Variants in DNAAF5 observed in about 807,000 individuals in gnomAD.
The protein encoded by DNAAF5 is dynein axonemal assembly factor 5.
Under a neutral mutation model 75.8 loss-of-function variants are expected in DNAAF5, and 64 were observed. The ratio of observed to expected loss-of-function variants is 0.84; its 90% confidence interval spans 0.69 to 1.04. The LOEUF (loss-of-function observed/expected upper bound fraction) is 1.04, where lower values mean the gene tolerates loss of function less well. DNAAF5 is among the 50% of genes least tolerant of loss of function. The pLI, the probability that DNAAF5 is intolerant of heterozygous loss-of-function variation, is 0.00. For missense variants in DNAAF5, 1,269 were observed against 1,178.5 expected (o/e 1.08, Z -1.12); for synonymous variants, 657 against 557.2 (o/e 1.18, Z -2.52).
rs566898690 is a variant in DNAAF5, at chr7:741,079, A to G, written c.905+136A>G. On this transcript the variant is annotated intron_variant, in intron 3 of 12. Transcript: ENST00000297440. ...CCTGTGCTCCGAAGGGATGTGCCGT[A>G]CAGAAGTCGTCTCGTTTTGTAAATG... 59 of 1,078,452 alleles carry G rather than the reference A, an allele frequency of 5.5e-5. No homozygotes were observed. In the East Asian group the frequency reaches 1.3e-3, roughly 24 times the overall value. 66.8% of individuals were successfully genotyped at this position (1,078,452 alleles called of 1,614,324 possible). A position where few individuals can be genotyped will look rare whatever the true frequency, so the allele number is the denominator to read the frequency against.
chr7:727,077 C>T lies in DNAAF5; in HGVS notation c.357C>T (p.Pro119=). ...GCGATGCCCTGCCGCGCCTGCTGCCCGCGCTCGCCGCGCGCTTGGCCGGCC... is the reference window on the plus strand; with the variant it reads ...GCGATGCCCTGCCGCGCCTGCTGCCTGCGCTCGCCGCGCGCTTGGCCGGCC... The part of the protein sequence containing the change: ...RPRDALPRLL[P]ALAARLAGPV... The change falls in exon 1 of 13, where the codon CCC becomes CCT. Residue 119 remains proline (P), a synonymous_variant. Transcript: ENST00000297440. The T allele has an allele frequency of 9.6e-7, 1 of 1,040,314 alleles. No individual in the cohort carries two copies. Among genetic ancestry groups the T allele is most frequent in the South Asian group, 4.4e-5 (1 of 22,698 alleles). The allele number at this position is 1,040,314 out of a possible 1,614,324, so 64.4% of individuals were successfully genotyped here.
At chr7:727,458 G>A in intron 1 of DNAAF5, 143 bp downstream of exon 1, 2 of 332,824 alleles carry the variant, frequency 6.0e-6, no homozygotes, top group East Asian at 4.9e-5. Flanking sequence ...CCCCCCATGC[G>A]CCGCTTCCCC....
intron 8 of DNAAF5, among the ~76,000 whole-genome samples, chr7:767,064 C>G (rs1778325770): frequency 6.6e-6 from 1 of 151,862 alleles, no homozygotes; most frequent in Admixed American, 6.6e-5. Context: ...ATGATGAAAC[C>G]CCGTCTCTAC....
At position 785,818 on chromosome 7, in the gene DNAAF5, G is replaced by A; in HGVS notation, c.*165G>A. ...CTCTTTCCCTGGAATAACAGCCTCT[G>A]AGTGGATTCTGCATGTTATGTGATT... On this transcript the variant is annotated 3_prime_UTR_variant, in exon 13 of 13. Transcript: ENST00000297440. The A allele has an allele frequency of 1.4e-6, 1 of 699,256 alleles. No homozygotes were observed. Among genetic ancestry groups the A allele is most frequent in the Admixed American group, 3.1e-5 (1 of 32,096 alleles). The allele number at this position is 699,256 out of a possible 1,614,324, so 43.3% of individuals were successfully genotyped here. A position where few individuals can be genotyped will look rare whatever the true frequency, so the allele number is the denominator to read the frequency against.
intron 10 of DNAAF5, 55 bp from the exon 11 acceptor site, chr7:774,951 C>T (rs766781943): frequency 6.4e-7 from 1 of 1,557,984 alleles, no homozygotes; most frequent in Non-Finnish European, 8.8e-7. Flanking sequence ...GGTGAGCACC[C>T]CCACCCCACC....
At position 786,320 on chromosome 7, in the gene DNAAF5, A is replaced by G. The variant is rs1779144131; in HGVS notation, c.*667A>G. 6.6e-6 allele frequency: 1 copy of G among 152,266 alleles called. No individual in the cohort carries two copies. Among genetic ancestry groups the G allele is most frequent in the Non-Finnish European group, 1.5e-5 (1 of 68,052 alleles). 9.4% of individuals were successfully genotyped at this position (152,266 alleles called of 1,614,324 possible). ...GTAAAGTTGCATTTCCCTCTCGCAC[A>G]TTCTACACCCAAGTGCCTAAAAGAT... On this transcript the variant is annotated 3_prime_UTR_variant, in exon 13 of 13. Coordinates refer to ENST00000297440, the MANE Select transcript of DNAAF5 (RefSeq NM_017802.4).
At chr7:743,897 GTTC>G (rs1256714556) in intron 4 of DNAAF5, among the ~76,000 whole-genome samples, 2 of 149,418 alleles carry the variant, frequency 1.3e-5, no homozygotes, top group African/African-American at 4.9e-5. Flanking sequence ...ACATAAATAA[GTTC>G]TTTTTTTATT....
chr7:784,355 C>A (rs1350586887), intron 12 of DNAAF5, among the ~76,000 whole-genome samples: 8 of 152,202 alleles, frequency 5.3e-5, no homozygotes, highest in Non-Finnish European at 1.2e-4. Context: ...CCGCTACCCC[C>A]CTCCCTGACT....
intron 9 of DNAAF5, 131 bp from the exon 10 acceptor site, chr7:773,917 G>A (rs1187568221): frequency 1.0e-6 from 1 of 976,428 alleles, no homozygotes; most frequent in Non-Finnish European, 1.6e-6. Context: ...GAGGAGGAGG[G>A]GCCTCGTGTT....
Position 727,007 on chromosome 7 carries a change from C to T in DNAAF5, c.287C>T (p.Ala96Val), listed in dbSNP as rs1006238830. 2.4e-6 allele frequency: 3 copies of T among 1,239,556 alleles called. No individual in the cohort carries two copies. The highest frequency in any genetic ancestry group is 3.2e-5 in the African/African-American group (2 of 62,444). The allele number at this position is 1,239,556 out of a possible 1,614,324, so 76.8% of individuals were successfully genotyped here. The part of the protein sequence containing the change: ...SDPAEGCRAL[A>V]VHLLDLGLRR... Reference sequence around the variant, plus strand: ...CCCGCCGAGGGCTGCCGCGCGCTGGCAGTGCACCTGCTGGATCTGGGCCTG... The same window carrying T: ...CCCGCCGAGGGCTGCCGCGCGCTGGTAGTGCACCTGCTGGATCTGGGCCTG... Residue 96 changes from alanine (A) to valine (V), a missense_variant, in exon 1 of 13, where the codon GCA becomes GTA. Transcript: ENST00000297440.
intron 8 of DNAAF5, 124 bp downstream of exon 8, chr7:764,098 T>A: frequency 2.0e-6 from 2 of 1,025,456 alleles, no homozygotes; most frequent in Non-Finnish European, 1.4e-6. Flanking sequence ...AGCGTGTTGT[T>A]AAAAGTACCC....
chr7:734,227 G>A (rs570262871), intron 2 of DNAAF5, among the ~76,000 whole-genome samples: 2 of 152,324 alleles, frequency 1.3e-5, no homozygotes, highest in Admixed American at 6.5e-5. Flanking sequence ...TGTGGTACTA[G>A]CTGTGAGTCT....
intron 2 of DNAAF5, among the ~76,000 whole-genome samples, chr7:734,754 G>A (rs1188883006): frequency 2.0e-5 from 3 of 152,176 alleles, no homozygotes; most frequent in Non-Finnish European, 4.4e-5. Flanking sequence ...ATCATTACTT[G>A]TTACTGGTCT....
intron 4 of DNAAF5, among the ~76,000 whole-genome samples, chr7:745,370 A>G (rs924579169): frequency 1.3e-5 from 2 of 152,212 alleles, no homozygotes; most frequent in East Asian, 1.9e-4. Flanking sequence ...TCTGGAAGGT[A>G]CGATCTATGA....
chr7:769,087 C>T, intron 8 of DNAAF5: 7 of 723,240 alleles, frequency 9.7e-6, no homozygotes, highest in Admixed American at 1.9e-5. Flanking sequence ...GAGTACATTG[C>T]GTCTCCGTGT....
intron 3 of DNAAF5, 22 bp from the exon 4 acceptor site, chr7:741,325 T>C (rs1562378579): frequency 1.3e-6 from 2 of 1,564,064 alleles, no homozygotes; most frequent in Admixed American, 3.6e-5. Context: ...TGAGCCACTG[T>C]TGTCTGTCTG....
At chr7:783,116 G>A (rs1169516386) in intron 12 of DNAAF5, among the ~76,000 whole-genome samples, 1 of 152,224 alleles carries the variant, frequency 6.6e-6, no homozygotes, top group Non-Finnish European at 1.5e-5. Context: ...CGGTTGTTCT[G>A]GGAGTGAGGG....
chr7:774,105 G>A lies in DNAAF5; in HGVS notation c.1989G>A (p.Gln663=). The change falls in exon 10 of 13, where the codon CAG becomes CAA. Residue 663 remains glutamine (Q), a synonymous_variant. Coordinates refer to ENST00000297440, the MANE Select transcript of DNAAF5 (RefSeq NM_017802.4). ...VTKDILAPNL[Q]WHAGRTAAAI... is the part of the protein sequence containing the mutation. ...AGGACATCCTGGCCCCCAATCTGCA[G>A]TGGCATGCGGGGAGGACAGCCGCGG... 2 of 1,613,746 alleles carry A rather than the reference G, an allele frequency of 1.2e-6. No individual in the cohort carries two copies. The highest frequency in any genetic ancestry group is 2.7e-5 in the African/African-American group (2 of 75,070).
At chr7:743,390 C>T (rs201465734) in intron 4 of DNAAF5, among the ~76,000 whole-genome samples, 1 of 122,816 alleles carries the variant, frequency 8.1e-6, no homozygotes, top group Non-Finnish European at 1.8e-5. Flanking sequence ...AACAAACAAA[C>T]AAAAAACAGT....
Sources: gnomAD v4.1 joint callset for allele counts (sites outside exome capture counted in the v4.1 genomes callset) on GRCh38, gnomAD v4.1.1 for gene constraint, MANE v1.5 for transcripts, NCBI Gene and HGNC (gene_info 2026-07-23, HGNC 2026-07-21) for gene names.